Variants in DOCK4 observed in about 807,000 individuals in gnomAD.
DOCK4 encodes dedicator of cytokinesis protein 4.
A neutral mutation model predicts 268.1 loss-of-function variants in DOCK4; 97 were observed. The ratio of observed to expected loss-of-function variants is 0.36; its 90% CI spans 0.31 to 0.43. DOCK4 has a LOEUF of 0.43. Ranked by LOEUF, DOCK4 falls within the 20% of genes least tolerant of loss-of-function variation. The probability of loss-of-function intolerance (pLI) is 1.00; values close to 1 mark genes in which losing one functional copy is unlikely to be tolerated. For synonymous variants in DOCK4, 954 were observed against 887.2 expected, an observed-to-expected ratio of 1.08 and a Z score of -1.34; for missense variants, 2,145 against 2,455.7, an observed-to-expected ratio of 0.87 and a Z score of 2.67.
At chr7:112,117,318 CAT>C (rs1279086226) in intron 1 of DOCK4, among the ~76,000 whole-genome samples, 1 of 152,202 alleles carries the variant, frequency 6.6e-6, no homozygotes, top group African/African-American at 2.4e-5. Context: ...AACCATTGAA[CAT>C]GTGTACAACC....
chr7:111,949,529 C>T (rs1795888177), intron 8 of DOCK4, among the ~76,000 whole-genome samples: 1 of 151,976 alleles, frequency 6.6e-6, no homozygotes, highest in Non-Finnish European at 1.5e-5. Flanking sequence ...ATGACATATA[C>T]CTTAGCTTAA....
rs557033118 is a variant in DOCK4, at chr7:111,902,304, T to C, written c.1193-503A>G. ...GATCTCACTGCTGGAAGAATCCAGA[T>C]TAGCATTTTATGAACACAGATGTAG... On this transcript the variant is annotated intron_variant, in intron 13 of 52. Coordinates refer to ENST00000428084, the MANE Select transcript of DOCK4 (RefSeq NM_001363540.2). Among the ~76,000 whole-genome samples, 161 of 152,324 alleles carry C rather than the reference T, an allele frequency of 1.1e-3. 2 individuals carry two copies. The highest frequency in any genetic ancestry group is 8.5e-3 in the South Asian group (41 of 4,834).
intron 1 of DOCK4, among the ~76,000 whole-genome samples, chr7:112,051,321 C>G (rs950147339): frequency 2.0e-5 from 3 of 152,080 alleles, no homozygotes; most frequent in African/African-American, 7.2e-5. Flanking sequence ...ACTTCAACAG[C>G]AGGATTTACT....
intron 8 of DOCK4, among the ~76,000 whole-genome samples, chr7:111,951,647 C>G (rs1320080025): frequency 1.2e-5 from 1 of 85,854 alleles, no homozygotes; most frequent in African/African-American, 4.1e-5. Flanking sequence ...CCATCGCTAC[C>G]AAAAAAAAAA....
At chr7:111,802,880 A>T (rs546883207) in intron 30 of DOCK4, among the ~76,000 whole-genome samples, 2 of 152,226 alleles carry the variant, frequency 1.3e-5, no homozygotes, top group Admixed American at 1.3e-4. Flanking sequence ...TTTTTTTTCT[A>T]GAGTACTTTA....
At chr7:111,871,156 T>C (rs931254209) in intron 20 of DOCK4, among the ~76,000 whole-genome samples, 20 of 152,232 alleles carry the variant, frequency 1.3e-4, no homozygotes, top group Admixed American at 1.0e-3. Flanking sequence ...GATTTCATGC[T>C]TTTTAAACTC....
chr7:111,807,182 G>C (rs976620516), intron 30 of DOCK4, among the ~76,000 whole-genome samples: 8 of 152,110 alleles, frequency 5.3e-5, no homozygotes, highest in African/African-American at 1.9e-4. Flanking sequence ...CTCATAATTT[G>C]AGCCCAGAAA....
intron 15 of DOCK4, among the ~76,000 whole-genome samples, chr7:111,898,591 G>A (rs1428010735): frequency 6.6e-6 from 1 of 152,172 alleles, no homozygotes; most frequent in East Asian, 1.9e-4. Flanking sequence ...AAAATGCTTG[G>A]CATATAGTGG....
chr7:112,060,562 G>T (rs1806299869), intron 1 of DOCK4, among the ~76,000 whole-genome samples: 1 of 152,280 alleles, frequency 6.6e-6, no homozygotes, highest in East Asian at 1.9e-4. Flanking sequence ...AAATGGAGAT[G>T]CAACCCAAGT....
chr7:111,892,539 C>T (rs888092464), intron 16 of DOCK4, among the ~76,000 whole-genome samples: 1 of 152,126 alleles, frequency 6.6e-6, no homozygotes, highest in Non-Finnish European at 1.5e-5. Flanking sequence ...AATGTGTTTT[C>T]GCAATAAGAG....
chr7:111,834,456 G>T, intron 26 of DOCK4, 132 bp downstream of exon 26: 1 of 684,954 alleles, frequency 1.5e-6, no homozygotes, highest in Non-Finnish European at 2.4e-6. Context: ...TGTGGATGAG[G>T]CTGAGAAAAA....
chr7:112,073,677 C>T (rs1807807255), intron 1 of DOCK4, among the ~76,000 whole-genome samples: 1 of 152,046 alleles, frequency 6.6e-6, no homozygotes, highest in South Asian at 2.1e-4. Flanking sequence ...ACCACATGAT[C>T]TCACTTATCT....
At chr7:112,016,891 A>C (rs1052234894) in intron 1 of DOCK4, among the ~76,000 whole-genome samples, 6 of 152,190 alleles carry the variant, frequency 3.9e-5, no homozygotes, top group African/African-American at 1.4e-4. Flanking sequence ...CTCTTTAGAT[A>C]TTACTTCCTT....
intron 39 of DOCK4, among the ~76,000 whole-genome samples, chr7:111,760,785 T>TGTGTGTGTGTG (rs1797350977): frequency 7.0e-6 from 1 of 141,972 alleles, no homozygotes; most frequent in African/African-American, 2.6e-5. Flanking sequence ...TGTGTGTGTA[T>TGTGTGTGTGTG]TCTGCCGTTC....
intron 31 of DOCK4, chr7:111,788,967 G>T: frequency 1.7e-6 from 1 of 572,740 alleles, no homozygotes; most frequent in East Asian, 2.9e-5. Context: ...AGCGTTTACT[G>T]CTGCCAAAGA....
chr7:112,085,265 T>C (rs1808973260), intron 1 of DOCK4, among the ~76,000 whole-genome samples: 1 of 152,064 alleles, frequency 6.6e-6, no homozygotes, highest in Non-Finnish European at 1.5e-5. Context: ...TTATCTTTCA[T>C]AAACCAGTAA....
intron 25 of DOCK4, among the ~76,000 whole-genome samples, chr7:111,839,944 T>C (rs1288617992): frequency 6.6e-6 from 1 of 152,206 alleles, no homozygotes; most frequent in Non-Finnish European, 1.5e-5. Context: ...TGTAATTTTC[T>C]TTGTTTTTAA....
intron 1 of DOCK4, among the ~76,000 whole-genome samples, chr7:112,201,346 G>C (rs151072429): frequency 6.6e-6 from 1 of 152,038 alleles, no homozygotes; most frequent in Non-Finnish European, 1.5e-5. Context: ...AGTGATACTC[G>C]CACCACACAA....
At chr7:111,923,293 C>A (rs1332519914) in intron 12 of DOCK4, among the ~76,000 whole-genome samples, 1 of 152,128 alleles carries the variant, frequency 6.6e-6, no homozygotes, top group African/African-American at 2.4e-5. Context: ...GTCCTGGAAC[C>A]AGTTTCCCAC....
Sources: allele counts gnomAD v4.1 joint callset (sites outside exome capture counted in the v4.1 genomes callset), GRCh38; gene constraint gnomAD v4.1.1; transcripts MANE v1.5; gene names NCBI Gene and HGNC (gene_info 2026-07-23, HGNC 2026-07-21).